The following EIF4A1 variants were observed in gnomAD, a reference collection of about 807,000 sequenced individuals.
The protein encoded by EIF4A1 is eukaryotic translation initiation factor 4A1, also known as eukaryotic initiation factor 4A-I.
EIF4A1 carries 11 observed loss-of-function variants against 53.5 expected under a neutral mutation model. The observed-to-expected ratio is 0.21, with a 90% CI of 0.13 to 0.34. The LOEUF (loss-of-function observed/expected upper bound fraction) is 0.34, where lower values mean the gene tolerates loss of function less well. EIF4A1 is among the 10% of genes least tolerant of loss of function. The probability of loss-of-function intolerance (pLI) is 1.00; values close to 1 mark genes in which losing one functional copy is unlikely to be tolerated. For missense variants in EIF4A1, 213 were observed against 530.8 expected (o/e 0.40, Z 5.88); for synonymous variants, 237 against 186.7 (o/e 1.27, Z -2.20).
At chr17:7,573,953 A>G (rs2071364119) in intron 1 of EIF4A1, 1 of 394,872 alleles carries the variant, frequency 2.5e-6, no homozygotes, top group Non-Finnish European at 4.6e-6. Context: ...GGTCGGGCCC[A>G]CGTGGACCCG....
intron 1 of EIF4A1, chr17:7,573,346 C>T (rs1302300962): frequency 1.5e-5 from 3 of 205,190 alleles, no homozygotes; most frequent in Non-Finnish European, 3.0e-5. Flanking sequence ...GGCTAAAACA[C>T]GGGTCGGGGA....
intron 1 of EIF4A1, 74 bp from the exon 2 acceptor site, chr17:7,574,186 G>C: frequency 1.3e-6 from 2 of 1,590,990 alleles, no homozygotes; most frequent in Non-Finnish European, 1.7e-6. Context: ...GGCCACTCCT[G>C]ACAGAGCCCG....
chr17:7,575,282 C>T (rs1199370396), intron 4 of EIF4A1, 24 bp downstream of exon 4: 4 of 1,613,536 alleles, frequency 2.5e-6, no homozygotes, highest in East Asian at 2.2e-5. Flanking sequence ...CTATTCCCTC[C>T]TTCAGGGCTG....
At chr17:7,575,307 A>G in intron 4 of EIF4A1, 49 bp downstream of exon 4, 1 of 1,610,844 alleles carries the variant, frequency 6.2e-7, no homozygotes, top group Non-Finnish European at 8.5e-7. Flanking sequence ...AGGGATGATG[A>G]GTATAATCCA....
Position 7,574,937 on chromosome 17 carries a change from G to T in EIF4A1, c.206-182G>T, listed in dbSNP as rs1188542852. 8.7e-6 allele frequency: 9 copies of T among 1,028,658 alleles called. No individual in the cohort carries two copies. The East Asian group carries it at 2.1e-4, about 24-fold the overall frequency. 63.7% of individuals were successfully genotyped at this position (1,028,658 alleles called of 1,614,324 possible). A position where few individuals can be genotyped will look rare whatever the true frequency, so the allele number is the denominator to read the frequency against. On this transcript the variant is annotated intron_variant, in intron 3 of 10. Transcript: ENST00000293831. ...CAGCTTGGTGTGCAATACTAGATGA[G>T]TTAATAACTGGTCCTTGTTTCTGAT...
intron 1 of EIF4A1, chr17:7,573,956 T>A (rs914082083): frequency 2.5e-6 from 1 of 403,686 alleles, no homozygotes; most frequent in African/African-American, 2.0e-5. Flanking sequence ...CGGGCCCACG[T>A]GGACCCGGCG....
chr17:7,574,348 A>G (rs2071370901), intron 2 of EIF4A1, 40 bp downstream of exon 2: 1 of 1,613,444 alleles, frequency 6.2e-7, no homozygotes, highest in Non-Finnish European at 8.5e-7. Flanking sequence ...CCCCCATTAC[A>G]ACTTTCAGCC....
chr17:7,574,131 C>T (rs1265246444), intron 1 of EIF4A1, 129 bp from the exon 2 acceptor site: 2 of 1,025,756 alleles, frequency 1.9e-6, no homozygotes, highest in Non-Finnish European at 2.9e-6. Flanking sequence ...TTTTTGGGAG[C>T]TGGTGGGAGT....
At chr17:7,572,895 T>G (rs1215478006) in intron 1 of EIF4A1, 31 bp downstream of exon 1, 2 of 1,614,122 alleles carry the variant, frequency 1.2e-6, no homozygotes, top group East Asian at 4.5e-5. Flanking sequence ...AGATTGTGGC[T>G]GCTTATTTTG....
chr17:7,575,011 C>A, intron 3 of EIF4A1, 108 bp from the exon 4 acceptor site: 1 of 1,449,176 alleles, frequency 6.9e-7, no homozygotes, highest in Non-Finnish European at 9.5e-7. Flanking sequence ...GTTTGTGAGC[C>A]ATGAAATGCT....
intron 3 of EIF4A1, 35 bp from the exon 4 acceptor site, chr17:7,575,084 C>T: frequency 6.2e-7 from 1 of 1,610,406 alleles, no homozygotes; most frequent in Non-Finnish European, 8.5e-7. Context: ...AGGGTATGCT[C>T]TTTACCACAT....
At chr17:7,575,522 C>A in intron 4 of EIF4A1, 1 of 563,824 alleles carries the variant, frequency 1.8e-6, no homozygotes, top group Non-Finnish European at 3.2e-6. Flanking sequence ...TGAATAAGCA[C>A]CTTCACTATG....
intron 3 of EIF4A1, 190 bp downstream of exon 3, chr17:7,574,868 A>G: frequency 8.9e-7 from 1 of 1,119,322 alleles, no homozygotes; most frequent in Non-Finnish European, 1.3e-6. Context: ...AAGAGGTGGT[A>G]TTGTAGCCAG....
chr17:7,575,633 G>C (rs1401721314), intron 4 of EIF4A1: 2 of 362,244 alleles, frequency 5.5e-6, no homozygotes, highest in African/African-American at 4.2e-5. Context: ...TTCATGCCTG[G>C]GGCACACACA....
intron 4 of EIF4A1, chr17:7,575,671 C>T (rs2071390842): frequency 6.1e-6 from 2 of 328,800 alleles, no homozygotes; most frequent in South Asian, 5.2e-5. Context: ...TTTCCTGGGT[C>T]ATGCTGCAAC....
At chr17:7,574,358 C>T (rs778116067) in intron 2 of EIF4A1, 50 bp downstream of exon 2, 15 of 1,613,378 alleles carry the variant, frequency 9.3e-6, no homozygotes, top group South Asian at 1.1e-5. Context: ...AACTTTCAGC[C>T]GTATAGAGTT....
Position 7,576,556 on chromosome 17 carries a change from C to T in EIF4A1, c.378C>T (p.Tyr126=), listed in dbSNP as rs759177593. The T allele has an allele frequency of 1.2e-6, 2 of 1,609,582 alleles. No homozygotes were observed. Among genetic ancestry groups the T allele is most frequent in the East Asian group, 4.5e-5 (2 of 44,830 alleles). Residue 126 remains tyrosine (Y), a synonymous_variant, in exon 5 of 11, where the codon TAC becomes TAT. Coordinates refer to ENST00000293831, the MANE Select transcript of EIF4A1 (RefSeq NM_001416.4). ...IQKVVMALGD[Y]MGASCHACIG... ...AGGTGGTCATGGCACTAGGAGACTA[C>T]ATGGGCGCCTCCTGTCACGCCTGTA...
In EIF4A1 at chr17:7,576,670, T is replaced by C. The variant is rs779077509; in HGVS notation, c.492T>C (p.Asp164=). 5.0e-6 allele frequency: 8 copies of C among 1,611,000 alleles called. No individual in the cohort carries two copies. Among genetic ancestry groups the C allele is most frequent in the Non-Finnish European group, 6.8e-6 (8 of 1,178,412 alleles). Residue 164 remains aspartate, a synonymous_variant, in exon 5 of 11, where the codon GAT becomes GAC. Transcript: ENST00000293831. ...IIVGTPGRVF[D]MLNRRYLSPK... Reference sequence around the variant, plus strand: ...TGGGTACCCCTGGCCGTGTGTTTGATATGCTTAACCGGAGATACCTGTGTG... The same window carrying C: ...TGGGTACCCCTGGCCGTGTGTTTGACATGCTTAACCGGAGATACCTGTGTG...
intron 4 of EIF4A1, chr17:7,576,196 G>T (rs947611298): frequency 4.8e-6 from 1 of 207,038 alleles, no homozygotes. Context: ...TGGTTGCTGC[G>T]TGATGAGGCA....
Sources: allele counts gnomAD v4.1 joint callset, GRCh38; gene constraint gnomAD v4.1.1; transcripts MANE v1.5; gene names NCBI Gene and HGNC (gene_info 2026-07-23, HGNC 2026-07-21).